POLE: variants seen among roughly 807,000 people sequenced by gnomAD.
POLE encodes the protein DNA polymerase epsilon catalytic subunit A.
Under a neutral mutation model 279.2 loss-of-function variants are expected in POLE, and 188 were observed. That is an observed-to-expected ratio of 0.67 (90% CI 0.60 to 0.76). The LOEUF is 0.76. Ranked by LOEUF, POLE falls within the 30% of genes least tolerant of loss-of-function variation. POLE has a pLI of 0.00. For synonymous variants in POLE, 1,214 were observed against 1,172.5 expected (o/e 1.04, Z -0.72); for missense variants, 2,703 against 3,016.7 (o/e 0.90, Z 2.44).
Position 132,677,580 on chromosome 12 carries a change from C to G in POLE, c.718G>C (p.Val240Leu), listed in dbSNP as rs371882716. The G allele has an allele frequency of 1.3e-4, 206 of 1,614,158 alleles. 6 individuals carry two copies. In the South Asian group the frequency reaches 2.2e-3, roughly 17 times the overall value. The change falls in exon 7 of 49, where the codon GTG becomes CTG. Residue 240 changes from valine (V) to leucine (L), a missense_variant and splice_region_variant. Physicochemically the swap from Val to Leu is conservative, Grantham distance 32 (BLOSUM62 1). Transcript: ENST00000320574. Reference protein sequence around the residue: ...IRLSIDLKIHVAHWYNVRYRG... With the variant: ...IRLSIDLKIHLAHWYNVRYRG... ...CGACCCAACCCTGCCCCACTCACCA[C>G]GTGGATCTTCAGGTCAATGGAGAGG...
intron 46 of POLE, 149 bp downstream of exon 46, chr12:132,625,968 G>C: frequency 9.2e-7 from 1 of 1,088,170 alleles, no homozygotes; most frequent in Non-Finnish European, 1.3e-6. Flanking sequence ...GTGTGGGGAG[G>C]CCTGGGAAGG....
At position 132,657,853 on chromosome 12, in the gene POLE, G is replaced by C; in HGVS notation, c.3378+15C>G. 1 of 1,547,214 alleles carries C rather than the reference G, an allele frequency of 6.5e-7. No individual in the cohort carries two copies. The highest frequency in any genetic ancestry group is 8.9e-7 in the Non-Finnish European group (1 of 1,119,058). ...TTGTAAACTTTTAAGAGTAGAGAAC[G>C]CAACTGGCACTCACTGCTCGAATAT... is the stretch of plus-strand genomic sequence containing the variant. On this transcript the variant is annotated intron_variant, in intron 27 of 48. Coordinates refer to ENST00000320574, the MANE Select transcript of POLE (RefSeq NM_006231.4).
rs2042004292 is a variant in POLE, at chr12:132,634,904, T to C, written c.5812-526A>G. Among the ~76,000 whole-genome samples the C allele has an allele frequency of 6.6e-6, 1 of 152,200 alleles. No individual in the cohort carries two copies. Among genetic ancestry groups the C allele is most frequent in the African/African-American group, 2.4e-5 (1 of 41,446 alleles). Reference sequence around the variant, plus strand: ...GAGTTTCTACCCTCCCACTTTGTTCTGAATCCCTTCAATCAGGGTTTATCC... The same window carrying C: ...GAGTTTCTACCCTCCCACTTTGTTCCGAATCCCTTCAATCAGGGTTTATCC... On this transcript the variant is annotated intron_variant, in intron 42 of 48. Transcript: ENST00000320574. This position sits in a 1 kb window ranked among gnomAD's most constrained non-coding sequence, Gnocchi z 4.0.
chr12:132,683,544 T>C (rs1048492796), intron 1 of POLE, among the ~76,000 whole-genome samples: 10 of 152,212 alleles, frequency 6.6e-5, no homozygotes, highest in African/African-American at 2.2e-4. Context: ...CACCATACTG[T>C]ATAATAAAGG....
Position 132,665,449 on chromosome 12 carries a change from A to G in POLE, c.2321T>C (p.Val774Ala), listed in dbSNP as rs771591846. 5 of 1,608,976 alleles carry G rather than the reference A, an allele frequency of 3.1e-6. No individual in the cohort carries two copies. The South Asian group carries it at 5.5e-5, about 18-fold the overall frequency. The change falls in exon 21 of 49, where the codon GTG becomes GCG. Residue 774 changes from valine (V) to alanine (A), a missense_variant and splice_region_variant. By Grantham distance (64) the Val-to-Ala change is moderately conservative (BLOSUM62 0). Transcript: ENST00000320574. The part of the protein sequence containing the change: ...RRYEFKGLHK[V>A]WKKKLSAAVE... ...GGCCGCCGAGAGCTTCTTTTTCCAC[A>G]CCTGAGAAGCACATGAACATGGAGC...
At position 132,676,097 on chromosome 12, in the gene POLE, A is replaced by G. The variant is rs756833644; in HGVS notation, c.1017T>C (p.Asp339=). 3 of 1,597,318 alleles carry G rather than the reference A, an allele frequency of 1.9e-6. No individual in the cohort carries two copies. The highest frequency in any genetic ancestry group is 2.2e-5 in the South Asian group (2 of 89,786). ...EGPFCVFNEP[D]EAHLIQRWFE... ...TTCCCAAGTGATACCTCCTTACCTC[A>G]TCGGGTTCATTGAAGACACAAAAGG... Residue 339 remains aspartate (D), a synonymous_variant, in exon 10 of 49, where the codon GAT becomes GAC. Coordinates refer to ENST00000320574, the MANE Select transcript of POLE (RefSeq NM_006231.4).
chr12:132,681,046 C>G, intron 2 of POLE, 92 bp downstream of exon 2: 1 of 1,455,736 alleles, frequency 6.9e-7, no homozygotes. Context: ...TCAAAGTTCC[C>G]TCATGTGTCC....
Position 132,636,043 on chromosome 12 carries a change from A to G in POLE, c.5679-19T>C. On this transcript the variant is annotated intron_variant, in intron 41 of 48. Coordinates refer to ENST00000320574, the MANE Select transcript of POLE (RefSeq NM_006231.4). ...ATGGATGCTGCAGAGGAAGCATTGA[A>G]GACGCTGCTTCAGTGAAATCGACCT... 1 of 1,606,826 alleles carries G rather than the reference A, an allele frequency of 6.2e-7. No individual in the cohort carries two copies.
chr12:132,652,242 A>G (rs2042437790), intron 29 of POLE, among the ~76,000 whole-genome samples: 1 of 150,418 alleles, frequency 6.6e-6, no homozygotes, highest in Non-Finnish European at 1.5e-5. Flanking sequence ...TGTTTTTCAC[A>G]TGTGCCTTAA....
chr12:132,687,284 G>C lies in POLE; in HGVS notation c.32C>G (p.Ala11Gly), dbSNP rs1060500821. Reference sequence around the variant, plus strand: ...GGCCTCGCCATCCGCGCCTGGGTCCGCGCGCCGCCGCCCGCCGCTCCTCAG... The same window carrying C: ...GGCCTCGCCATCCGCGCCTGGGTCCCCGCGCCGCCGCCCGCCGCTCCTCAG... MSLRSGGRRR[A>G]DPGADGEASR... The change falls in exon 1 of 49, where the codon GCG becomes GGG. Residue 11 changes from alanine to glycine, a missense_variant. Transcript: ENST00000320574. 6.7e-7 allele frequency: 1 copy of C among 1,501,092 alleles called. No individual in the cohort carries two copies. The highest frequency in any genetic ancestry group is 8.9e-7 in the Non-Finnish European group (1 of 1,127,032). 93.0% of individuals were successfully genotyped at this position (1,501,092 alleles called of 1,614,324 possible).
intron 1 of POLE, among the ~76,000 whole-genome samples, chr12:132,683,854 G>T (rs2043217286): frequency 6.6e-6 from 1 of 152,220 alleles, no homozygotes; most frequent in Non-Finnish European, 1.5e-5. Context: ...TTAATCCAGG[G>T]ACAGTAAGAA....
In POLE at chr12:132,675,622, C is replaced by T; in HGVS notation, c.1107-105G>A. 1 of 1,582,716 alleles carries T rather than the reference C, an allele frequency of 6.3e-7. No homozygotes were observed. The highest frequency in any genetic ancestry group is 8.6e-7 in the Non-Finnish European group (1 of 1,156,912). On this transcript the variant is annotated intron_variant, in intron 11 of 48. Transcript: ENST00000320574. This position sits in a 1 kb window ranked among gnomAD's most constrained non-coding sequence, Gnocchi z 4.3. ...GGGAGGAACCCAGACACGGGAGGTG[C>T]AGAGTGAACCCAGGAGCCACCTCCT...
rs1376250925 is a variant in POLE, at chr12:132,657,166, A to G, written c.3552T>C (p.Ser1184=). Residue 1184 remains serine (S), a synonymous_variant, in exon 29 of 49, where the codon AGT becomes AGC. Coordinates refer to ENST00000320574, the MANE Select transcript of POLE (RefSeq NM_006231.4). ...KNDVYKQKKI[S]ELFTLEGRRQ... Reference sequence around the variant, plus strand: ...TCCTGCCCTCCAGGGTGAAGAGCTCACTGATCTTCTTCTGCTTGTAGACAT... The same window carrying G: ...TCCTGCCCTCCAGGGTGAAGAGCTCGCTGATCTTCTTCTGCTTGTAGACAT... 1 of 1,613,918 alleles carries G rather than the reference A, an allele frequency of 6.2e-7. No individual in the cohort carries two copies. The highest frequency in any genetic ancestry group is 1.1e-5 in the South Asian group (1 of 91,066).
chr12:132,641,456 A>G, intron 39 of POLE, 191 bp downstream of exon 39: 1 of 601,994 alleles, frequency 1.7e-6, no homozygotes, highest in Non-Finnish European at 3.0e-6. Context: ...AACAGTCGCC[A>G]GGGACCAGGC....
rs746459362 is a variant in POLE, at chr12:132,625,638, G to A, written c.6657+7C>T. ...GGGCACACGGGCAGGCGGCATGCACGACTCACCAGGTCCTGCAGGGTGAAG... is the reference window on the plus strand; with the variant it reads ...GGGCACACGGGCAGGCGGCATGCACAACTCACCAGGTCCTGCAGGGTGAAG... On this transcript the variant is annotated splice_region_variant and intron_variant, in intron 47 of 48. Coordinates refer to ENST00000320574, the MANE Select transcript of POLE (RefSeq NM_006231.4). 23 of 1,613,036 alleles carry A rather than the reference G, an allele frequency of 1.4e-5. No individual in the cohort carries two copies. In the African/African-American group the frequency reaches 2.7e-4, roughly 19 times the overall value.
rs2042721122 is a variant in POLE, at chr12:132,663,370, C to T, written c.2706+634G>A. Among the ~76,000 whole-genome samples, 6 of 152,246 alleles carry T rather than the reference C, an allele frequency of 3.9e-5. No individual in the cohort carries two copies. The South Asian group carries it at 1.0e-3, about 26-fold the overall frequency. On this transcript the variant is annotated intron_variant, in intron 23 of 48. Coordinates refer to ENST00000320574, the MANE Select transcript of POLE (RefSeq NM_006231.4). Reference sequence around the variant, plus strand: ...CACACCACCACAAACCAACACGATGCGTGTGAGAACGTGGGGAGGGTGTCG... The same window carrying T: ...CACACCACCACAAACCAACACGATGTGTGTGAGAACGTGGGGAGGGTGTCG...
chr12:132,643,936 G>A lies in POLE; in HGVS notation c.4191C>T (p.Leu1397=). Residue 1397 remains leucine (L), a synonymous_variant, in exon 33 of 49, where the codon CTC becomes CTT. Transcript: ENST00000320574. ...TGTCCTCTGGCACTGAATACTCATA[G>A]AGATTGTAGACCATGTTGGAGCGAG... ...VLPRSNMVYN[L]YEYSVPEDMY... 2 of 1,614,132 alleles carry A rather than the reference G, an allele frequency of 1.2e-6. No individual in the cohort carries two copies. The highest frequency in any genetic ancestry group is 1.1e-5 in the South Asian group (1 of 91,080).
chr12:132,630,839 T>A (rs184754836), intron 45 of POLE, among the ~76,000 whole-genome samples: 85 of 152,274 alleles, frequency 5.6e-4, no homozygotes, highest in African/African-American at 1.9e-3. Flanking sequence ...CAAGTCCTGG[T>A]GAGGATGTGG....
At chr12:132,641,373 G>A (rs527568633) in intron 39 of POLE, 6 of 512,440 alleles carry the variant, frequency 1.2e-5, no homozygotes, top group East Asian at 3.5e-5. Context: ...TGGTCACATC[G>A]AAAAGTGGCC....
Sources: allele counts gnomAD v4.1 joint callset (sites outside exome capture counted in the v4.1 genomes callset), GRCh38; gene constraint gnomAD v4.1.1; non-coding constraint Gnocchi (gnomAD v3.1); transcripts MANE v1.5; gene names NCBI Gene and HGNC (gene_info 2026-07-23, HGNC 2026-07-21).